The following C7orf33 variants were observed in gnomAD, a reference collection of about 807,000 sequenced individuals.
The protein encoded by C7orf33 is uncharacterized protein C7orf33.
C7orf33 carries 15 observed loss-of-function variants against 13.4 expected under a neutral mutation model. The observed-to-expected ratio is 1.12, with a 90% CI of 0.75 to 1.72. C7orf33 has a LOEUF of 1.72. C7orf33 is among the 40% of genes most tolerant of loss of function. The probability of loss-of-function intolerance (pLI) is 0.00; values close to 1 mark genes in which losing one functional copy is unlikely to be tolerated. For synonymous variants in C7orf33, 73 were observed against 83.2 expected (o/e 0.88, Z 0.67); for missense variants, 187 against 220.3 (o/e 0.85, Z 0.96).
chr7:148,592,742 T>C (rs925829045), intron 1 of C7orf33, among the ~76,000 whole-genome samples: 2 of 152,186 alleles, frequency 1.3e-5, no homozygotes. Context: ...CTCAAACTCC[T>C]GATCTCAGGT....
At chr7:148,605,816 C>A (rs1056247029) in intron 1 of C7orf33, among the ~76,000 whole-genome samples, 1 of 152,182 alleles carries the variant, frequency 6.6e-6, no homozygotes, top group African/African-American at 2.4e-5. Flanking sequence ...CCTGTTACAA[C>A]TTTATAATGA....
At chr7:148,614,358 T>C in intron 2 of C7orf33, 62 bp downstream of exon 2, 1 of 1,533,536 alleles carries the variant, frequency 6.5e-7, no homozygotes, top group South Asian at 1.2e-5. Context: ...GCTCTGAAAC[T>C]TCCATGAAAA....
intron 1 of C7orf33, among the ~76,000 whole-genome samples, chr7:148,595,319 A>C (rs1796317131): frequency 7.1e-6 from 1 of 140,736 alleles, no homozygotes; most frequent in Non-Finnish European, 1.5e-5. Flanking sequence ...TATATAATAT[A>C]GATATATCTA....
intron 1 of C7orf33, among the ~76,000 whole-genome samples, chr7:148,605,830 C>T (rs1426742842): frequency 6.6e-6 from 1 of 152,206 alleles, no homozygotes; most frequent in African/African-American, 2.4e-5. Context: ...ATAATGAACA[C>T]ATTTTTACCT....
Position 148,590,779 on chromosome 7 carries a change from C to G in C7orf33, c.-147C>G. 1.4e-6 allele frequency: 1 copy of G among 737,518 alleles called. No individual in the cohort carries two copies. The highest frequency in any genetic ancestry group is 2.3e-5 in the Admixed American group (1 of 42,728). 45.7% of individuals were successfully genotyped at this position (737,518 alleles called of 1,614,324 possible). On this transcript the variant is annotated 5_prime_UTR_variant, in exon 1 of 3. Coordinates refer to ENST00000307003, the MANE Select transcript of C7orf33 (RefSeq NM_145304.4). ...AGCTGTGACCTTACTTATGGTGATG[C>G]CAATCCAGTGGTCAGGAGCGAGGCG...
chr7:148,604,214 C>T (rs1796448074), intron 1 of C7orf33, among the ~76,000 whole-genome samples: 1 of 151,818 alleles, frequency 6.6e-6, no homozygotes. Context: ...GCAACATCCG[C>T]CTCCTGGGTT....
intron 1 of C7orf33, among the ~76,000 whole-genome samples, chr7:148,592,922 C>T (rs930778887): frequency 2.3e-4 from 35 of 152,164 alleles, no homozygotes; most frequent in African/African-American, 7.2e-4. Context: ...CTCACTACAA[C>T]GTCCACCTCC....
chr7:148,611,941 CA>C (rs2116903730), intron 1 of C7orf33, among the ~76,000 whole-genome samples: 1 of 152,380 alleles, frequency 6.6e-6, no homozygotes, highest in Admixed American at 6.5e-5. Context: ...GCATGTGCTG[CA>C]GGGGGAATCA....
chr7:148,606,238 A>G (rs1796471931), intron 1 of C7orf33, among the ~76,000 whole-genome samples: 1 of 152,248 alleles, frequency 6.6e-6, no homozygotes, highest in Non-Finnish European at 1.5e-5. Context: ...TCTCCAAAAA[A>G]TATTTATCAA....
At chr7:148,605,802 T>A (rs1796467127) in intron 1 of C7orf33, among the ~76,000 whole-genome samples, 1 of 152,246 alleles carries the variant, frequency 6.6e-6, no homozygotes, top group African/African-American at 2.4e-5. Context: ...AGTTCTCTTT[T>A]TATCCTGTTA....
At chr7:148,607,892 A>C (rs1393151501) in intron 1 of C7orf33, among the ~76,000 whole-genome samples, 1 of 152,058 alleles carries the variant, frequency 6.6e-6, no homozygotes, top group Non-Finnish European at 1.5e-5. Flanking sequence ...CCTGGCTCCA[A>C]ACCCCTAGTT....
At chr7:148,595,121 G>A (rs995531032) in intron 1 of C7orf33, among the ~76,000 whole-genome samples, 1 of 151,528 alleles carries the variant, frequency 6.6e-6, no homozygotes, top group Non-Finnish European at 1.5e-5. Context: ...ACAGGCTGGA[G>A]TGCAGTGGCA....
intron 1 of C7orf33, among the ~76,000 whole-genome samples, chr7:148,592,329 A>G (rs1028962884): frequency 6.6e-6 from 1 of 152,220 alleles, no homozygotes; most frequent in Non-Finnish European, 1.5e-5. Context: ...AGTAAAAAGA[A>G]GAAAATACCT....
Position 148,591,095 on chromosome 7 carries a change from A to G in C7orf33, c.170A>G (p.Gln57Arg). ...GTCCACGTTAGGGGCGGTCCAGGTC[A>G]ATTTAACTTGTCATATGCCACGGGA... is the stretch of plus-strand genomic sequence containing the variant. The part of the protein sequence containing the change: ...VWVHVRGGPG[Q>R]FNLSYATGRH... Residue 57 changes from glutamine (Q) to arginine (R), a missense_variant, in exon 1 of 3, where the codon CAA becomes CGA. Gln to Arg is a conservative substitution (Grantham distance 43). Transcript: ENST00000307003. 6.2e-7 allele frequency: 1 copy of G among 1,613,420 alleles called. No homozygotes were observed. The highest frequency in any genetic ancestry group is 8.5e-7 in the Non-Finnish European group (1 of 1,179,864).
At chr7:148,598,767 G>T (rs985407479) in intron 1 of C7orf33, among the ~76,000 whole-genome samples, 580 of 27,406 alleles carry the variant, frequency 0.021, 2 homozygotes, top group East Asian at 0.027. Flanking sequence ...TATATATAGA[G>T]AGAGAGAGAG....
intron 1 of C7orf33, 96 bp from the exon 2 acceptor site, chr7:148,613,946 G>C: frequency 7.8e-7 from 1 of 1,277,988 alleles, no homozygotes; most frequent in Non-Finnish European, 1.1e-6. Flanking sequence ...CAGCTACTTA[G>C]TAGCCTCAAA....
chr7:148,615,435 A>C lies in C7orf33; in HGVS notation c.*34A>C. On this transcript the variant is annotated 3_prime_UTR_variant, in exon 3 of 3. Coordinates refer to ENST00000307003, the MANE Select transcript of C7orf33 (RefSeq NM_145304.4). ...CAGAATCTAAGAGTCACATCTCTAAATTTGTGTAGATTGTGAAATCTCTTC... is the reference window on the plus strand; with the variant it reads ...CAGAATCTAAGAGTCACATCTCTAACTTTGTGTAGATTGTGAAATCTCTTC... 8.0e-7 allele frequency: 1 copy of C among 1,245,096 alleles called. No homozygotes were observed. The highest frequency in any genetic ancestry group is 1.2e-6 in the Non-Finnish European group (1 of 846,196). 77.1% of individuals were successfully genotyped at this position (1,245,096 alleles called of 1,614,324 possible). A position where few individuals can be genotyped will look rare whatever the true frequency, so the allele number is the denominator to read the frequency against.
At chr7:148,602,764 C>A (rs1017494378) in intron 1 of C7orf33, among the ~76,000 whole-genome samples, 5 of 152,058 alleles carry the variant, frequency 3.3e-5, no homozygotes, top group Non-Finnish European at 7.4e-5. Flanking sequence ...TAATTGTCTG[C>A]CTAAAAATTC....
chr7:148,596,431 G>A (rs1796340390), intron 1 of C7orf33, among the ~76,000 whole-genome samples: 1 of 152,156 alleles, frequency 6.6e-6, no homozygotes, highest in Non-Finnish European at 1.5e-5. Context: ...CCTGAGACTG[G>A]GCAATTTACA....
Sources: gnomAD v4.1 joint callset for allele counts (sites outside exome capture counted in the v4.1 genomes callset) on GRCh38, gnomAD v4.1.1 for gene constraint, MANE v1.5 for transcripts, NCBI Gene and HGNC (gene_info 2026-07-23, HGNC 2026-07-21) for gene names.